Variants in ARHGAP24 observed in about 807,000 individuals in gnomAD.
ARHGAP24 encodes rho GTPase-activating protein 24.
A neutral mutation model predicts 76.4 loss-of-function variants in ARHGAP24; 50 were observed. The observed-to-expected ratio is 0.65, with a 90% CI of 0.52 to 0.83. The LOEUF is 0.83. ARHGAP24 is among the 40% of genes least tolerant of loss of function. ARHGAP24 has a pLI of 0.00. For missense variants in ARHGAP24, 930 were observed against 914.2 expected, an observed-to-expected ratio of 1.02 and a Z score of -0.22; for synonymous variants, 345 against 323.3, an observed-to-expected ratio of 1.07 and a Z score of -0.72.
chr4:85,701,427 C>T (rs1033614919), intron 2 of ARHGAP24, among the ~76,000 whole-genome samples: 10 of 152,100 alleles, frequency 6.6e-5, no homozygotes, highest in African/African-American at 2.4e-4. Context: ...TTCCCTCACC[C>T]ATCTCCCAAC....
intron 3 of ARHGAP24, among the ~76,000 whole-genome samples, chr4:85,735,112 C>G (rs888291860): frequency 6.6e-6 from 1 of 152,010 alleles, no homozygotes; most frequent in African/African-American, 2.4e-5. Flanking sequence ...CTGTTTTTAT[C>G]TTGTTATGTA....
intron 1 of ARHGAP24, among the ~76,000 whole-genome samples, chr4:85,568,677 T>C (rs1251699963): frequency 6.6e-6 from 1 of 151,320 alleles, no homozygotes; most frequent in Non-Finnish European, 1.5e-5. Flanking sequence ...GAGGGGAGAG[T>C]GTTTTCTGCA....
intron 3 of ARHGAP24, among the ~76,000 whole-genome samples, chr4:85,812,250 A>T (rs1304942428): frequency 6.6e-6 from 1 of 152,120 alleles, no homozygotes; most frequent in Non-Finnish European, 1.5e-5. Flanking sequence ...GTAAGTGAGA[A>T]CCTGTCACTT....
chr4:85,505,895 G>C (rs965595827), intron 1 of ARHGAP24, among the ~76,000 whole-genome samples: 1 of 152,092 alleles, frequency 6.6e-6, no homozygotes, highest in African/African-American at 2.4e-5. Flanking sequence ...GTGACCTACA[G>C]ATGGGGTTTT....
At chr4:85,802,786 C>T (rs1728634233) in intron 3 of ARHGAP24, among the ~76,000 whole-genome samples, 2 of 152,078 alleles carry the variant, frequency 1.3e-5, no homozygotes, top group South Asian at 2.1e-4. Context: ...AGCAAAACTC[C>T]GTCTCAAAAA....
At chr4:85,911,369 C>A (rs1325265639) in intron 3 of ARHGAP24, among the ~76,000 whole-genome samples, 2 of 151,486 alleles carry the variant, frequency 1.3e-5, no homozygotes, top group African/African-American at 4.9e-5. Flanking sequence ...CGGCCACTGC[C>A]ATCAATAATA....
intron 2 of ARHGAP24, among the ~76,000 whole-genome samples, chr4:85,703,853 T>G (rs943572485): frequency 6.6e-6 from 1 of 151,976 alleles, no homozygotes; most frequent in African/African-American, 2.4e-5. Flanking sequence ...TTACATAGAG[T>G]TATGTAATCA....
intron 4 of ARHGAP24, among the ~76,000 whole-genome samples, 163 bp downstream of exon 4, chr4:85,923,933 C>G (rs1432756193): frequency 1.3e-5 from 2 of 152,044 alleles, no homozygotes; most frequent in African/African-American, 2.4e-5. Context: ...CTTCGTAAAT[C>G]CTACAAGTTT....
Position 85,976,779 on chromosome 4 carries a change from C to CTT in ARHGAP24, c.807-774_807-773dup, listed in dbSNP as rs200270054. Among the ~76,000 whole-genome samples the CTT allele has an allele frequency of 4.8e-3, 632 of 130,432 alleles. 6 individuals are homozygous for CTT. Among genetic ancestry groups the CTT allele is most frequent in the African/African-American group, 0.017 (568 of 34,170 alleles). The allele number at this position is 130,432 out of a possible 152,430, so 85.6% of individuals were successfully genotyped here. A position where few individuals can be genotyped will look rare whatever the true frequency, so the allele number is the denominator to read the frequency against. On this transcript the variant is annotated intron_variant, in intron 7 of 9. Transcript: ENST00000395184. ...TTAATTTCTACAGCATTTTATTTCTCTTTTTTTTTTTTTTTTTTCCGAGAC... is the reference window on the plus strand; with the variant it reads ...TTAATTTCTACAGCATTTTATTTCTCTTTTTTTTTTTTTTTTTTTTCCGAGAC...
In ARHGAP24 at chr4:85,995,581, G is replaced by T. The variant is rs1216903764; in HGVS notation, c.1927G>T (p.Ala643Ser). ...GGGCAACAGCAGCAGCAACCACAGTGCACTGCACAGTTTAGTTTCCAGCCT... is the reference window on the plus strand; with the variant it reads ...GGGCAACAGCAGCAGCAACCACAGTTCACTGCACAGTTTAGTTTCCAGCCT... The part of the protein sequence containing the change: ...FVGNSSSNHS[A>S]LHSLVSSLKQ... The change falls in exon 9 of 10, where the codon GCA (alanine) becomes TCA (serine). Residue 643 changes from alanine to serine, a missense_variant. Transcript: ENST00000395184. The T allele has an allele frequency of 6.2e-7, 1 of 1,613,926 alleles. No individual in the cohort carries two copies. Among genetic ancestry groups the T allele is most frequent in the Non-Finnish European group, 8.5e-7 (1 of 1,179,956 alleles).
At chr4:85,600,193 T>C (rs1719987767) in intron 2 of ARHGAP24, among the ~76,000 whole-genome samples, 1 of 152,118 alleles carries the variant, frequency 6.6e-6, no homozygotes, top group Admixed American at 6.6e-5. Flanking sequence ...TTATGGGCAC[T>C]GAAAGGAGGT....
intron 9 of ARHGAP24, among the ~76,000 whole-genome samples, chr4:85,996,692 T>C (rs1413868313): frequency 6.6e-6 from 1 of 152,210 alleles, no homozygotes; most frequent in Non-Finnish European, 1.5e-5. Context: ...GGAATTGTGG[T>C]TTGAATTTTT....
intron 3 of ARHGAP24, among the ~76,000 whole-genome samples, chr4:85,799,358 C>G (rs975009629): frequency 1.3e-5 from 2 of 151,932 alleles, no homozygotes; most frequent in Non-Finnish European, 2.9e-5. Context: ...AAAGGGCCCA[C>G]TAACCAACTT....
intron 3 of ARHGAP24, among the ~76,000 whole-genome samples, chr4:85,903,162 T>G (rs1001525938): frequency 3.9e-5 from 6 of 152,214 alleles, no homozygotes; most frequent in Non-Finnish European, 8.8e-5. Flanking sequence ...ATGAGAAATT[T>G]TACACACTTC....
At chr4:85,532,825 C>G (rs1465474965) in intron 1 of ARHGAP24, among the ~76,000 whole-genome samples, 1 of 152,188 alleles carries the variant, frequency 6.6e-6, no homozygotes, top group Admixed American at 6.6e-5. Context: ...AATGTATAAA[C>G]TGCTTTTATA....
intron 1 of ARHGAP24, among the ~76,000 whole-genome samples, chr4:85,560,258 C>T (rs903398579): frequency 6.6e-6 from 1 of 151,358 alleles, no homozygotes; most frequent in African/African-American, 2.4e-5. Flanking sequence ...AAGTATTATA[C>T]ATATATTAAA....
In ARHGAP24 at chr4:85,699,234, G is replaced by A. The variant is rs1578150476; in HGVS notation, c.181-22651G>A. Among the ~76,000 whole-genome samples, 3 of 151,988 alleles carry A rather than the reference G, an allele frequency of 2.0e-5. No homozygotes were observed. In the South Asian group the frequency reaches 6.2e-4, roughly 32 times the overall value. ...AGCAGTATATGTCATTTTATTCTTGGCACCTCCTTGTTAATCTTCTTCCTA... is the reference window on the plus strand; with the variant it reads ...AGCAGTATATGTCATTTTATTCTTGACACCTCCTTGTTAATCTTCTTCCTA... On this transcript the variant is annotated intron_variant, in intron 2 of 9. Coordinates refer to ENST00000395184, the MANE Select transcript of ARHGAP24 (RefSeq NM_001025616.3).
rs192461047 is a variant in ARHGAP24, at chr4:85,740,604, C to A, written c.268+18632C>A. On this transcript the variant is annotated intron_variant, in intron 3 of 9. Coordinates refer to ENST00000395184, the MANE Select transcript of ARHGAP24 (RefSeq NM_001025616.3). ...AGCTATCTTTTACCTGTTTTATTTA[C>A]TGTCATATACTGTGTGCTTGCTTGT... is the stretch of plus-strand genomic sequence containing the variant. Among the ~76,000 whole-genome samples the A allele has an allele frequency of 5.6e-3, 849 of 152,208 alleles. 7 individuals carry two copies. The highest frequency in any genetic ancestry group is 8.9e-3 in the Non-Finnish European group (607 of 68,012).
chr4:85,930,691 AACCTT>A, intron 4 of ARHGAP24: 1 of 1,198,582 alleles, frequency 8.3e-7, no homozygotes, highest in Non-Finnish European at 1.0e-6. Flanking sequence ...AGAAAAAAAA[AACCTT>A]AAAAACTCCC....
Sources: gnomAD v4.1 joint callset for allele counts (sites outside exome capture counted in the v4.1 genomes callset) on GRCh38, gnomAD v4.1.1 for gene constraint, MANE v1.5 for transcripts, NCBI Gene and HGNC (gene_info 2026-07-23, HGNC 2026-07-21) for gene names.